Variants in CPA6 observed in about 807,000 individuals in gnomAD.
CPA6 encodes carboxypeptidase B.
CPA6 carries 58 observed loss-of-function variants against 63.3 expected under a neutral mutation model. The ratio of observed to expected loss-of-function variants is 0.92; its 90% confidence interval spans 0.74 to 1.14. The LOEUF (loss-of-function observed/expected upper bound fraction) is 1.14, where lower values mean the gene tolerates loss of function less well. Among genes scored for constraint, CPA6 ranks in the 50% most tolerant of loss-of-function variants. The pLI, the probability that CPA6 is intolerant of heterozygous loss-of-function variation, is 0.00. For missense variants in CPA6, 565 were observed against 526.6 expected (o/e 1.07, Z -0.71); for synonymous variants, 185 against 179.0 (o/e 1.03, Z -0.27).
chr8:67,525,185 T>C (rs531692680), intron 2 of CPA6, among the ~76,000 whole-genome samples: 1 of 152,192 alleles, frequency 6.6e-6, no homozygotes. Flanking sequence ...TAATTTTACA[T>C]AGGCCCATCC....
At chr8:67,612,592 G>T (rs1035864738) in intron 2 of CPA6, among the ~76,000 whole-genome samples, 2 of 152,178 alleles carry the variant, frequency 1.3e-5, no homozygotes, top group African/African-American at 2.4e-5. Flanking sequence ...TGATCAGATA[G>T]CCTCAAAGCA....
Position 67,585,475 on chromosome 8 carries a change from AG to A in CPA6, c.192+38700del, listed in dbSNP as rs759007994. 1.2e-4 allele frequency among the ~76,000 whole-genome samples: 19 copies of A among 152,024 alleles called. No homozygotes were observed. In the East Asian group the frequency reaches 3.1e-3, roughly 25 times the overall value. On this transcript the variant is annotated intron_variant, in intron 2 of 10. Coordinates refer to ENST00000297770, the MANE Select transcript of CPA6 (RefSeq NM_020361.5). ...ACTCTCATCCTTTAAAAGTTGAGAA[AG>A]CCATGTTGTTAGACATGGGGGCATG... is the stretch of plus-strand genomic sequence containing the variant.
chr8:67,689,172 C>T (rs1381873135), intron 1 of CPA6, among the ~76,000 whole-genome samples: 1 of 151,982 alleles, frequency 6.6e-6, no homozygotes, highest in Non-Finnish European at 1.5e-5. Flanking sequence ...ACTCCCGTAA[C>T]TTTTTGTTTT....
chr8:67,683,221 T>G (rs1816636054), intron 1 of CPA6, among the ~76,000 whole-genome samples: 1 of 152,258 alleles, frequency 6.6e-6, no homozygotes, highest in Non-Finnish European at 1.5e-5. Flanking sequence ...TTTTCTTAGT[T>G]GTTTTAGGCA....
At chr8:67,648,918 T>C (rs1254066395) in intron 1 of CPA6, among the ~76,000 whole-genome samples, 1 of 152,124 alleles carries the variant, frequency 6.6e-6, no homozygotes, top group Non-Finnish European at 1.5e-5. Context: ...CCAAATGTGT[T>C]CCTCGGTTTG....
At chr8:67,599,137 C>T (rs2170423) in intron 2 of CPA6, among the ~76,000 whole-genome samples, 10,395 of 152,168 alleles carry the variant, frequency 0.068, 643 homozygotes, top group African/African-American at 0.16. Context: ...TACACATACA[C>T]AAATAATTGT....
At chr8:67,608,499 G>T (rs1420404863) in intron 2 of CPA6, among the ~76,000 whole-genome samples, 2 of 152,150 alleles carry the variant, frequency 1.3e-5, no homozygotes, top group Non-Finnish European at 2.9e-5. Flanking sequence ...CCATCTTGCT[G>T]AGAGCCACCT....
intron 1 of CPA6, among the ~76,000 whole-genome samples, chr8:67,686,465 A>T (rs1331919694): frequency 1.3e-5 from 2 of 152,214 alleles, no homozygotes; most frequent in African/African-American, 4.8e-5. Context: ...GCATAGCCAA[A>T]AAGGAAGTAA....
chr8:67,656,360 A>G (rs1815984837), intron 1 of CPA6, among the ~76,000 whole-genome samples: 1 of 152,182 alleles, frequency 6.6e-6, no homozygotes, highest in Non-Finnish European at 1.5e-5. Context: ...CCAGTATCCC[A>G]TTCTACTCTC....
chr8:67,570,209 T>A (rs537845441), intron 2 of CPA6: 2 of 152,288 alleles, frequency 1.3e-5, no homozygotes, highest in South Asian at 2.1e-4. Flanking sequence ...GAATATTTTA[T>A]CCAGAAAAGC....
chr8:67,583,984 C>T lies in CPA6; in HGVS notation c.192+40192G>A, dbSNP rs181513249. Among the ~76,000 whole-genome samples, 56 of 152,018 alleles carry T rather than the reference C, an allele frequency of 3.7e-4. 1 individual carries two copies. Among genetic ancestry groups the T allele is most frequent in the African/African-American group, 1.3e-3 (54 of 41,444 alleles). The stretch of plus-strand genomic sequence containing the variant: ...CATCCTGGCCAACATGGTGAATCCC[C>T]GTCTCTACTAAAAATACAAAAAAAC... On this transcript the variant is annotated intron_variant, in intron 2 of 10. Transcript: ENST00000297770.
chr8:67,636,023 T>C (rs11991669), intron 1 of CPA6, among the ~76,000 whole-genome samples: 2,813 of 151,626 alleles, frequency 0.019, 210 homozygotes, highest in African/African-American at 0.063. Flanking sequence ...CCTATCCCCA[T>C]ATCAGAACTG....
chr8:67,649,912 G>T (rs980335938), intron 1 of CPA6, among the ~76,000 whole-genome samples: 4 of 152,184 alleles, frequency 2.6e-5, no homozygotes, highest in Non-Finnish European at 2.9e-5. Context: ...GCAGCCCATG[G>T]AGAAGTAACG....
intron 1 of CPA6, among the ~76,000 whole-genome samples, chr8:67,713,093 G>GTA (rs1817299903): frequency 4.5e-5 from 4 of 87,980 alleles, no homozygotes; most frequent in Admixed American, 1.3e-4. Flanking sequence ...ATGTGTGTGT[G>GTA]TGTGTGTATA....
chr8:67,746,113 T>C lies in CPA6; in HGVS notation c.17A>G (p.Lys6Arg), dbSNP rs758819365. The C allele has an allele frequency of 1.2e-6, 2 of 1,613,262 alleles. No homozygotes were observed. Among genetic ancestry groups the C allele is most frequent in the African/African-American group, 2.7e-5 (2 of 74,956 alleles). The change falls in exon 1 of 11, where the codon AAG (lysine) becomes AGG (arginine). Residue 6 changes from lysine to arginine, a missense_variant. By Grantham distance (26) the Lys-to-Arg change is conservative. Transcript: ENST00000297770. ...GAAAGCAGCTGCCTGGCCCCTGCGC[T>C]TCCCGAGACACTTCATAGTGTTAAG... is the stretch of plus-strand genomic sequence containing the variant. MKCLGKRRGQAAAFLP... is the reference protein window; with the variant it reads MKCLGRRRGQAAAFLP...
rs866786868 is a variant in CPA6, at chr8:67,733,217, A to T, written c.116+12797T>A. 2.9e-3 allele frequency among the ~76,000 whole-genome samples: 366 copies of T among 124,676 alleles called. 4 individuals carry two copies. Among genetic ancestry groups the T allele is most frequent in the African/African-American group, 5.4e-3 (175 of 32,626 alleles). The allele number at this position is 124,676 out of a possible 152,430, so 81.8% of individuals were successfully genotyped here. The stretch of plus-strand genomic sequence containing the variant: ...ATCTCAAAAAAAAAAAAAAAAAAAA[A>T]AAAAAAATAAAAAAATTTAGCGTCT... On this transcript the variant is annotated intron_variant, in intron 1 of 10. Coordinates refer to ENST00000297770, the MANE Select transcript of CPA6 (RefSeq NM_020361.5).
intron 8 of CPA6, among the ~76,000 whole-genome samples, chr8:67,470,255 C>G (rs1361473550): frequency 6.6e-6 from 1 of 151,954 alleles, no homozygotes; most frequent in East Asian, 1.9e-4. Flanking sequence ...GTTTCAAACT[C>G]CTGACCTCAT....
chr8:67,543,961 GT>G (rs923362671), intron 2 of CPA6, among the ~76,000 whole-genome samples: 51 of 151,926 alleles, frequency 3.4e-4, no homozygotes, highest in African/African-American at 1.1e-3. Flanking sequence ...TTAAAAAAAT[GT>G]TTTCTTGTAG....
intron 6 of CPA6, among the ~76,000 whole-genome samples, chr8:67,499,392 C>A (rs1811788419): frequency 6.6e-6 from 1 of 152,086 alleles, no homozygotes; most frequent in African/African-American, 2.4e-5. Flanking sequence ...GAATGGAAAC[C>A]AGGGATATGC....
Sources: allele counts gnomAD v4.1 joint callset (sites outside exome capture counted in the v4.1 genomes callset), GRCh38; gene constraint gnomAD v4.1.1; transcripts MANE v1.5; gene names NCBI Gene and HGNC (gene_info 2026-07-23, HGNC 2026-07-21).